LHFPL3: variants seen among roughly 807,000 people sequenced by gnomAD.
LHFPL3 encodes the protein LHFPL tetraspan subfamily member 3 protein.
LHFPL3 carries 5 observed loss-of-function variants against 19.3 expected under a neutral mutation model. That is an observed-to-expected ratio of 0.26 (90% CI 0.14 to 0.54). The LOEUF (loss-of-function observed/expected upper bound fraction) is 0.54. LHFPL3 is among the 20% of genes least tolerant of loss of function. The pLI, the probability that LHFPL3 is intolerant of heterozygous loss-of-function variation, is 0.94. For missense variants in LHFPL3, 249 were observed against 307.4 expected, an observed-to-expected ratio of 0.81 and a Z score of 1.42; for synonymous variants, 133 against 126.2, an observed-to-expected ratio of 1.05 and a Z score of -0.36.
chr7:104,482,015 A>AATT (rs1240499414), intron 1 of LHFPL3, among the ~76,000 whole-genome samples: 3 of 151,992 alleles, frequency 2.0e-5, no homozygotes, highest in African/African-American at 7.3e-5. Context: ...TTCCCTGGAG[A>AATT]ATTACCCTTA....
intron 1 of LHFPL3, among the ~76,000 whole-genome samples, chr7:104,368,855 A>G (rs572268666): frequency 6.6e-6 from 1 of 152,336 alleles, no homozygotes; most frequent in African/African-American, 2.4e-5. Context: ...CAAGTGCTGC[A>G]TACATATAAT....
At chr7:104,759,129 T>C (rs1794333478) in intron 2 of LHFPL3, among the ~76,000 whole-genome samples, 1 of 152,206 alleles carries the variant, frequency 6.6e-6, no homozygotes, top group African/African-American at 2.4e-5. Context: ...AAGAGTGGGC[T>C]GATGCTTAAA....
chr7:104,331,387 C>T (rs546201199), intron 1 of LHFPL3, among the ~76,000 whole-genome samples: 2 of 152,126 alleles, frequency 1.3e-5, no homozygotes, highest in Non-Finnish European at 2.9e-5. Context: ...CTTTTTAAAA[C>T]CTTTATTTGC....
intron 2 of LHFPL3, among the ~76,000 whole-genome samples, chr7:104,757,352 C>G (rs967620591): frequency 2.0e-5 from 3 of 152,090 alleles, no homozygotes; most frequent in Non-Finnish European, 2.9e-5. Flanking sequence ...CAAAAACTGA[C>G]AAGTGAGACC....
chr7:104,658,804 A>G lies in LHFPL3; in HGVS notation c.446-77871A>G, dbSNP rs1370725752. On this transcript the variant is annotated intron_variant, in intron 1 of 2. Transcript: ENST00000424859. ...GACTTCATCTCAAAAAACAAACTAA[A>G]AAACAAGTCATCTCCTTGGGCTGCA... Among the ~76,000 whole-genome samples the G allele has an allele frequency of 2.6e-5, 4 of 152,138 alleles. No homozygotes were observed. In the East Asian group the frequency reaches 7.7e-4, roughly 29 times the overall value.
chr7:104,410,321 C>T (rs1034893521), intron 1 of LHFPL3, among the ~76,000 whole-genome samples: 21 of 152,096 alleles, frequency 1.4e-4, no homozygotes, highest in African/African-American at 3.6e-4. Context: ...TTAGTAGAGA[C>T]GGGGTTTCAC....
At chr7:104,514,187 T>G (rs549924838) in intron 1 of LHFPL3, among the ~76,000 whole-genome samples, 1 of 151,570 alleles carries the variant, frequency 6.6e-6, no homozygotes, top group Non-Finnish European at 1.5e-5. Flanking sequence ...CAAGAAGCTC[T>G]CTCTCTCTTT....
At chr7:104,363,954 G>T (rs1047845532) in intron 1 of LHFPL3, among the ~76,000 whole-genome samples, 1 of 152,138 alleles carries the variant, frequency 6.6e-6, no homozygotes, top group African/African-American at 2.4e-5. Context: ...GATCATCAAG[G>T]CTTGGAATAT....
intron 1 of LHFPL3, among the ~76,000 whole-genome samples, chr7:104,427,280 T>C (rs2116547553): frequency 6.6e-6 from 1 of 152,294 alleles, no homozygotes; most frequent in South Asian, 2.1e-4. Flanking sequence ...AAAGCTGGCT[T>C]TGTGGATTAG....
At chr7:104,615,688 C>G (rs1791319420) in intron 1 of LHFPL3, among the ~76,000 whole-genome samples, 1 of 152,000 alleles carries the variant, frequency 6.6e-6, no homozygotes, top group African/African-American at 2.4e-5. Flanking sequence ...CCCCCACCCC[C>G]TGACAGGCCC....
chr7:104,667,613 T>C (rs531763608), intron 1 of LHFPL3: 2 of 672,906 alleles, frequency 3.0e-6, no homozygotes, highest in Admixed American at 2.9e-5. Flanking sequence ...ATATTTGTTA[T>C]CCATTTAGTG....
At chr7:104,468,815 C>A (rs1792846735) in intron 1 of LHFPL3, among the ~76,000 whole-genome samples, 1 of 151,982 alleles carries the variant, frequency 6.6e-6, no homozygotes, top group Admixed American at 6.6e-5. Context: ...CCTGCCACCA[C>A]ACCCAGCCAA....
intron 1 of LHFPL3, among the ~76,000 whole-genome samples, chr7:104,501,818 T>C (rs1487655798): frequency 1.3e-5 from 2 of 152,178 alleles, no homozygotes; most frequent in Non-Finnish European, 2.9e-5. Flanking sequence ...CCAAATATAT[T>C]CTGCAGCTAT....
chr7:104,780,252 AGG>A (rs147673632), intron 2 of LHFPL3, among the ~76,000 whole-genome samples: 4,234 of 152,276 alleles, frequency 0.028, 190 homozygotes, highest in African/African-American at 0.095. Context: ...CTTGAAAGAA[AGG>A]GAGCCAGAGC....
chr7:104,681,214 C>T (rs1462723213), intron 1 of LHFPL3, among the ~76,000 whole-genome samples: 2 of 150,328 alleles, frequency 1.3e-5, no homozygotes, highest in African/African-American at 4.9e-5. Context: ...CTCTATCTCC[C>T]CTTGTAAAAT....
intron 2 of LHFPL3, among the ~76,000 whole-genome samples, chr7:104,755,321 G>A (rs1267037918): frequency 6.6e-6 from 1 of 152,046 alleles, no homozygotes; most frequent in African/African-American, 2.4e-5. Context: ...CATACACAGG[G>A]GAAAAGCACC....
intron 1 of LHFPL3, among the ~76,000 whole-genome samples, chr7:104,583,423 T>C (rs990117051): frequency 4.7e-4 from 72 of 152,020 alleles, no homozygotes; most frequent in African/African-American, 1.5e-3. Flanking sequence ...GTCTAAAACA[T>C]CAAAAGCAAT....
At chr7:104,508,275 A>G (rs1316497407) in intron 1 of LHFPL3, among the ~76,000 whole-genome samples, 3 of 151,946 alleles carry the variant, frequency 2.0e-5, no homozygotes, top group Non-Finnish European at 4.4e-5. Context: ...AATACTATGC[A>G]GCCATAAAAA....
chr7:104,656,238 CTT>C (rs34805214), intron 1 of LHFPL3, among the ~76,000 whole-genome samples: 35,807 of 149,496 alleles, frequency 0.24, 4,565 homozygotes, highest in Non-Finnish European at 0.29. Context: ...CCACAGAGGA[CTT>C]TTTTTTTTTT....
Sources: allele counts gnomAD v4.1 joint callset (sites outside exome capture counted in the v4.1 genomes callset), GRCh38; gene constraint gnomAD v4.1.1; transcripts MANE v1.5; gene names NCBI Gene and HGNC (gene_info 2026-07-23, HGNC 2026-07-21).